Variants in WDTC1 observed in about 807,000 individuals in gnomAD.
WDTC1 encodes the protein WD and tetratricopeptide repeats 1, also known as WD and tetratricopeptide repeats protein 1.
In WDTC1, 12 loss-of-function variants were observed where a neutral mutation model predicts 76.0. The ratio of observed to expected loss-of-function variants is 0.16; its 90% confidence interval spans 0.10 to 0.26. The LOEUF is 0.26. Ranked by LOEUF, WDTC1 falls within the 10% of genes least tolerant of loss-of-function variation. WDTC1 has a pLI of 1.00. For missense variants in WDTC1, 511 were observed against 908.8 expected (o/e 0.56, Z 5.63); for synonymous variants, 326 against 350.8 (o/e 0.93, Z 0.79).
intron 12 of WDTC1, among the ~76,000 whole-genome samples, chr1:27,299,828 C>G (rs906277824): frequency 6.6e-6 from 1 of 152,092 alleles, no homozygotes; most frequent in Non-Finnish European, 1.5e-5. Context: ...CCAGCCTGCT[C>G]TCTACCCCCA....
intron 3 of WDTC1, among the ~76,000 whole-genome samples, chr1:27,273,541 A>G (rs1170146694): frequency 1.3e-5 from 2 of 152,130 alleles, no homozygotes; most frequent in Non-Finnish European, 2.9e-5. Context: ...TTAAGAAAAC[A>G]TAAACCAAAT....
At chr1:27,298,208 C>A in intron 12 of WDTC1, 97 bp downstream of exon 12, 1 of 1,433,092 alleles carries the variant, frequency 7.0e-7, no homozygotes, top group Non-Finnish European at 9.3e-7. Context: ...GCCAAGGCAT[C>A]CAGGGAAAGT....
At chr1:27,247,910 G>T (rs1321300498) in intron 1 of WDTC1, among the ~76,000 whole-genome samples, 1 of 151,972 alleles carries the variant, frequency 6.6e-6, no homozygotes, top group Non-Finnish European at 1.5e-5. Flanking sequence ...TAGAGACGGG[G>T]TTTCTCCACG....
chr1:27,244,544 C>T (rs1421489380), intron 1 of WDTC1, among the ~76,000 whole-genome samples: 3 of 152,162 alleles, frequency 2.0e-5, no homozygotes, highest in African/African-American at 7.2e-5. Flanking sequence ...CAGGATCTTA[C>T]TCTGTTGCCC....
At position 27,305,068 on chromosome 1, in the gene WDTC1, A is replaced by G; in HGVS notation, c.1711A>G (p.Asn571Asp). The G allele has an allele frequency of 8.1e-6, 13 of 1,613,970 alleles. No homozygotes were observed. Among genetic ancestry groups the G allele is most frequent in the Non-Finnish European group, 1.0e-5 (12 of 1,179,968 alleles). The change falls in exon 15 of 16, where the codon AAC (asparagine) becomes GAC (aspartate). Residue 571 changes from asparagine to aspartate, a missense_variant. Asn to Asp is a conservative substitution (Grantham distance 23). Coordinates refer to ENST00000319394, the MANE Select transcript of WDTC1 (RefSeq NM_001276252.2). This position sits in a 1 kb window ranked among gnomAD's most constrained non-coding sequence, Gnocchi z 4.6. ...CTTCATCTGGGAAAAGGAGACCACC[A>G]ACCTGGTCCGTGTGCTCCAAGGGGA... ...SFFIWEKETT[N>D]LVRVLQGDES...
At chr1:27,276,419 GGC>G (rs2013028634) in intron 3 of WDTC1, among the ~76,000 whole-genome samples, 1 of 152,106 alleles carries the variant, frequency 6.6e-6, no homozygotes, top group African/African-American at 2.4e-5. Flanking sequence ...TTATAGGCCA[GGC>G]GCGGTGACTT....
intron 8 of WDTC1, 125 bp from the exon 9 acceptor site, chr1:27,294,389 C>T: frequency 1.1e-6 from 1 of 870,678 alleles, no homozygotes; most frequent in Non-Finnish European, 1.8e-6. Context: ...AGTAAGGGCT[C>T]AACACTTGTA....
chr1:27,244,951 G>A (rs1247230431), intron 1 of WDTC1, among the ~76,000 whole-genome samples: 3 of 151,914 alleles, frequency 2.0e-5, no homozygotes, highest in Non-Finnish European at 2.9e-5. Context: ...TAGTGTCATC[G>A]GAAGGGGTTT....
rs2011449199 is a variant in WDTC1 at position 27,234,660 on chromosome 1, G to A, written c.-391G>A. The A allele has an allele frequency of 5.0e-6, 2 of 396,592 alleles. No individual in the cohort carries two copies. The highest frequency in any genetic ancestry group is 8.9e-6 in the Non-Finnish European group (2 of 224,914). The allele number at this position is 396,592 out of a possible 1,614,324, so 24.6% of individuals were successfully genotyped here. On this transcript the variant is annotated 5_prime_UTR_variant, in exon 1 of 16. Transcript: ENST00000319394. ...CTTCTCCTGGGTCCCCAGACAGCTG[G>A]AGGAGATAAACAGAGGAGGAGGAGG...
intron 1 of WDTC1, among the ~76,000 whole-genome samples, chr1:27,260,442 G>T (rs2012441828): frequency 6.6e-6 from 1 of 152,168 alleles, no homozygotes; most frequent in East Asian, 1.9e-4. Context: ...TTATTAGGTT[G>T]GGTCTTGGAC....
At chr1:27,245,845 C>T (rs997328414) in intron 1 of WDTC1, among the ~76,000 whole-genome samples, 2 of 151,560 alleles carry the variant, frequency 1.3e-5, no homozygotes, top group African/African-American at 2.4e-5. Flanking sequence ...GCTGGGATTA[C>T]AGGCATGAGC....
chr1:27,297,005 C>A, intron 10 of WDTC1, 43 bp from the exon 11 acceptor site: 1 of 1,589,364 alleles, frequency 6.3e-7, no homozygotes. Flanking sequence ...AATGGGTCCT[C>A]TTCCTGAGTT....
rs553923614 is a variant in WDTC1 at position 27,256,320 on chromosome 1, T to C, written c.-99-4636T>C. On this transcript the variant is annotated intron_variant, in intron 1 of 15. Coordinates refer to ENST00000319394, the MANE Select transcript of WDTC1 (RefSeq NM_001276252.2). Reference sequence around the variant, plus strand: ...CTGACTCTGAGACACTAGATCCCAGTTCAGGGTTTAGGGGTGATGTGTCTG... The same window carrying C: ...CTGACTCTGAGACACTAGATCCCAGCTCAGGGTTTAGGGGTGATGTGTCTG... Among the ~76,000 whole-genome samples, 343 of 152,168 alleles carry C rather than the reference T, an allele frequency of 2.3e-3. 3 individuals are homozygous for C. The highest frequency in any genetic ancestry group is 5.2e-3 in the South Asian group (25 of 4,812).
Position 27,305,283 on chromosome 1 carries a change from A to C in WDTC1, c.1836+90A>C. The C allele has an allele frequency of 6.9e-7, 1 of 1,447,754 alleles. No individual in the cohort carries two copies. The highest frequency in any genetic ancestry group is 9.2e-7 in the Non-Finnish European group (1 of 1,090,972). 89.7% of individuals were successfully genotyped at this position (1,447,754 alleles called of 1,614,324 possible). On this transcript the variant is annotated intron_variant, in intron 15 of 15. Transcript: ENST00000319394. This position sits in a 1 kb window ranked among gnomAD's most constrained non-coding sequence, Gnocchi z 4.6. ...CTAGCGCAGGGAAGAGAAATGAGCC[A>C]CCCAGAGGCTAGAAGCTGCTAAGTA...
chr1:27,275,496 G>T (rs1354698497), intron 3 of WDTC1, among the ~76,000 whole-genome samples: 1 of 151,934 alleles, frequency 6.6e-6, no homozygotes, highest in Non-Finnish European at 1.5e-5. Flanking sequence ...GCAGGCACCT[G>T]TAATCCCAGC....
chr1:27,292,470 C>T, intron 7 of WDTC1, 73 bp downstream of exon 7: 1 of 1,363,320 alleles, frequency 7.3e-7, no homozygotes, highest in Non-Finnish European at 9.8e-7. Context: ...CCCTCACTGC[C>T]ATTGCCATGC....
chr1:27,266,357 G>T (rs573700494), intron 3 of WDTC1, among the ~76,000 whole-genome samples: 2 of 152,232 alleles, frequency 1.3e-5, no homozygotes, highest in East Asian at 3.9e-4. Flanking sequence ...CCTCTTTCCT[G>T]GTTTGGAGTT....
chr1:27,264,191 G>A (rs1267239279), intron 3 of WDTC1, among the ~76,000 whole-genome samples: 1 of 152,136 alleles, frequency 6.6e-6, no homozygotes, highest in Non-Finnish European at 1.5e-5. Flanking sequence ...GGGAGGCTAA[G>A]GCACGAGAAT....
Position 27,296,400 on chromosome 1 carries a change from G to T in WDTC1, c.948G>T (p.Gly316=), listed in dbSNP as rs1179709271. 6.2e-7 allele frequency: 1 copy of T among 1,613,958 alleles called. No individual in the cohort carries two copies. Among genetic ancestry groups the T allele is most frequent in the Non-Finnish European group, 8.5e-7 (1 of 1,180,008 alleles). ...FLLPRKCHSS[G]EVQNGKMSTN... is the part of the protein sequence containing the mutation. ...TGCCTAGAAAATGCCACTCCTCGGGGGGTAAGTTCTCCCTTAGGGTATCTC... is the reference window on the plus strand; with the variant it reads ...TGCCTAGAAAATGCCACTCCTCGGGTGGTAAGTTCTCCCTTAGGGTATCTC... The change falls in exon 10 of 16, where the codon GGG becomes GGT. Residue 316 remains glycine (G), a splice_region_variant and synonymous_variant. Transcript: ENST00000319394.
Sources: allele counts gnomAD v4.1 joint callset (sites outside exome capture counted in the v4.1 genomes callset), GRCh38; gene constraint gnomAD v4.1.1; non-coding constraint Gnocchi (gnomAD v3.1); transcripts MANE v1.5; gene names NCBI Gene and HGNC (gene_info 2026-07-23, HGNC 2026-07-21).